Variants in DLG2 observed in about 807,000 individuals in gnomAD.
The protein encoded by DLG2 is disks large homolog 2.
Under a neutral mutation model 132.5 loss-of-function variants are expected in DLG2, and 45 were observed. The ratio of observed to expected loss-of-function variants is 0.34; its 90% CI spans 0.27 to 0.44. DLG2 has a LOEUF of 0.44. Among genes scored for constraint, DLG2 ranks in the 20% least tolerant of loss-of-function variants. DLG2 has a pLI of 1.00. For synonymous variants in DLG2, 424 were observed against 419.6 expected (o/e 1.01, Z -0.13); for missense variants, 1,045 against 1,196.9 (o/e 0.87, Z 1.87).
chr11:85,450,268 T>C (rs185590646), intron 3 of DLG2, among the ~76,000 whole-genome samples: 1 of 152,340 alleles, frequency 6.6e-6, no homozygotes, highest in Admixed American at 6.5e-5. Flanking sequence ...TTGTCTTGCT[T>C]ATCTTCGTTA....
chr11:83,773,096 A>T (rs2094461947), intron 18 of DLG2, among the ~76,000 whole-genome samples: 1 of 152,234 alleles, frequency 6.6e-6, no homozygotes. Context: ...TCTATGCTCC[A>T]GCTAGTTATT....
chr11:83,572,660 A>G (rs1246765177), intron 19 of DLG2, among the ~76,000 whole-genome samples: 3 of 152,156 alleles, frequency 2.0e-5, no homozygotes, highest in African/African-American at 7.2e-5. Context: ...ACACTCAACC[A>G]CTGAAGGAAT....
chr11:84,862,192 T>A (rs1247527634), intron 6 of DLG2, among the ~76,000 whole-genome samples: 6 of 151,658 alleles, frequency 4.0e-5, no homozygotes, highest in Admixed American at 3.3e-4. Flanking sequence ...ATAATAATAA[T>A]AAATAAAAAA....
chr11:84,785,289 T>C (rs566420199), intron 6 of DLG2, among the ~76,000 whole-genome samples: 127 of 152,102 alleles, frequency 8.3e-4, no homozygotes, highest in Non-Finnish European at 1.4e-3. Context: ...TCTGACAGTA[T>C]AATTTTTTTC....
intron 18 of DLG2, among the ~76,000 whole-genome samples, chr11:83,784,851 G>A (rs2094978240): frequency 6.6e-6 from 1 of 152,130 alleles, no homozygotes; most frequent in South Asian, 2.1e-4. Context: ...AGAATTGTTT[G>A]AGATGAGATT....
At chr11:83,987,050 A>G (rs2093372641) in intron 11 of DLG2, among the ~76,000 whole-genome samples, 1 of 152,060 alleles carries the variant, frequency 6.6e-6, no homozygotes, top group African/African-American at 2.4e-5. Context: ...GCTGTGCAGA[A>G]GCTCTTTAGT....
At chr11:84,332,243 G>A (rs1338098692) in intron 7 of DLG2, among the ~76,000 whole-genome samples, 14 of 140,046 alleles carry the variant, frequency 1.0e-4, no homozygotes, top group Non-Finnish European at 7.5e-5. Context: ...ACAGAGTCTC[G>A]CTCTATCGCC....
At chr11:84,053,578 TA>T (rs2096442795) in intron 11 of DLG2, among the ~76,000 whole-genome samples, 1 of 151,864 alleles carries the variant, frequency 6.6e-6, no homozygotes, top group Admixed American at 6.6e-5. Context: ...GTAATAAGAG[TA>T]AAAAGATTAT....
chr11:84,758,790 G>A (rs538593331), intron 6 of DLG2, among the ~76,000 whole-genome samples: 33 of 152,144 alleles, frequency 2.2e-4, no homozygotes, highest in African/African-American at 7.7e-4. Flanking sequence ...TTATATAGAA[G>A]GTAACGTAGA....
At chr11:85,569,103 C>T (rs1264713652) in intron 3 of DLG2, among the ~76,000 whole-genome samples, 1 of 152,208 alleles carries the variant, frequency 6.6e-6, no homozygotes, top group East Asian at 1.9e-4. Context: ...GTGATCTCAG[C>T]TCACTGCAAC....
At chr11:84,015,400 G>A (rs990355190) in intron 11 of DLG2, among the ~76,000 whole-genome samples, 2 of 151,920 alleles carry the variant, frequency 1.3e-5, no homozygotes, top group Admixed American at 1.3e-4. Context: ...TAAGTTCAGG[G>A]GTACATGTGC....
chr11:84,777,132 G>C (rs1200736520), intron 6 of DLG2, among the ~76,000 whole-genome samples: 1 of 151,492 alleles, frequency 6.6e-6, no homozygotes, highest in Non-Finnish European at 1.5e-5. Context: ...ATTTATGAGT[G>C]AGAACATGCA....
chr11:83,525,783 C>T (rs999744904), intron 21 of DLG2, among the ~76,000 whole-genome samples: 5 of 152,110 alleles, frequency 3.3e-5, no homozygotes, highest in African/African-American at 7.2e-5. Flanking sequence ...AGCTTTCTTT[C>T]GAGGGCAGTA....
Position 84,323,831 on chromosome 11 carries a change from C to G in DLG2, c.520-72540G>C, listed in dbSNP as rs534719335. On this transcript the variant is annotated intron_variant, in intron 7 of 27. Transcript: ENST00000376104. ...CGATTAGTGAGGTTGAGCATTTTTT[C>G]ATATACCAAATGGCTATTTGTGTAT... Among the ~76,000 whole-genome samples, 6 of 140,352 alleles carry G rather than the reference C, an allele frequency of 4.3e-5. No homozygotes were observed. In the South Asian group the frequency reaches 1.4e-3, roughly 32 times the overall value. 92.1% of individuals were successfully genotyped at this position (140,352 alleles called of 152,430 possible). A position where few individuals can be genotyped will look rare whatever the true frequency, so the allele number is the denominator to read the frequency against.
chr11:85,164,475 T>A (rs938867066), intron 4 of DLG2, among the ~76,000 whole-genome samples: 3 of 152,196 alleles, frequency 2.0e-5, no homozygotes, highest in African/African-American at 7.2e-5. Context: ...TTGTTTATGT[T>A]TCCACCGTTA....
intron 6 of DLG2, among the ~76,000 whole-genome samples, chr11:84,975,549 G>A (rs1034373993): frequency 6.6e-6 from 1 of 152,172 alleles, no homozygotes; most frequent in Non-Finnish European, 1.5e-5. Context: ...AGGAGAATGA[G>A]TTACAATGAC....
At chr11:84,739,931 G>A (rs776040876) in intron 6 of DLG2, among the ~76,000 whole-genome samples, 41 of 152,054 alleles carry the variant, frequency 2.7e-4, no homozygotes, top group Non-Finnish European at 5.3e-4. Flanking sequence ...ATCTGATGAA[G>A]CGGTCCTTGT....
rs1565279474 is a variant in DLG2 at position 83,456,701 on chromosome 11, A to T, written c.*3117T>A. 2.0e-5 allele frequency: 3 copies of T among 151,008 alleles called. No homozygotes were observed. The highest frequency in any genetic ancestry group is 2.9e-5 in the Non-Finnish European group (2 of 67,886). 9.4% of individuals were successfully genotyped at this position (151,008 alleles called of 1,614,324 possible). A position where few individuals can be genotyped will look rare whatever the true frequency, so the allele number is the denominator to read the frequency against. ...TAGTCGGAAGTAGAAGGAGGAGGAG[A>T]GTAAGGAAAAGAATGAGAAAAAAAG... On this transcript the variant is annotated 3_prime_UTR_variant, in exon 28 of 28. Transcript: ENST00000376104.
intron 14 of DLG2, among the ~76,000 whole-genome samples, chr11:83,945,659 T>A (rs1310041215): frequency 6.6e-6 from 1 of 152,208 alleles, no homozygotes; most frequent in African/African-American, 2.4e-5. Flanking sequence ...CCTTTAGTTA[T>A]AAAATCTAAA....
Sources: allele counts gnomAD v4.1 joint callset (sites outside exome capture counted in the v4.1 genomes callset), GRCh38; gene constraint gnomAD v4.1.1; transcripts MANE v1.5; gene names NCBI Gene and HGNC (gene_info 2026-07-23, HGNC 2026-07-21).